Variants in ATXN7L2 observed in about 807,000 individuals in gnomAD.
ATXN7L2 encodes ataxin 7 like 2, also known as ataxin-7-like protein 2.
A neutral mutation model predicts 59.6 loss-of-function variants in ATXN7L2; 17 were observed. The ratio of observed to expected loss-of-function variants is 0.29; its 90% CI spans 0.20 to 0.43. The LOEUF is 0.43. Among genes scored for constraint, ATXN7L2 ranks in the 20% least tolerant of loss-of-function variants. The pLI, the probability that ATXN7L2 is intolerant of heterozygous loss-of-function variation, is 1.00. For missense variants in ATXN7L2, 858 were observed against 1,008.9 expected (o/e 0.85, Z 2.03); for synonymous variants, 378 against 392.5 (o/e 0.96, Z 0.44).
At chr1:109,492,559 T>C in intron 10 of ATXN7L2, 27 bp from the exon 11 acceptor site, 1 of 1,613,884 alleles carries the variant, frequency 6.2e-7, no homozygotes, top group Non-Finnish European at 8.5e-7. Flanking sequence ...ACCCTGACCC[T>C]TTCTCTCGCC....
chr1:109,489,636 T>A, intron 7 of ATXN7L2: 1 of 497,448 alleles, frequency 2.0e-6, no homozygotes, highest in Non-Finnish European at 3.6e-6. Flanking sequence ...GGGTACAGTT[T>A]TAACTGTGAA....
Position 109,491,701 on chromosome 1 carries a change from A to G in ATXN7L2, c.2234A>G (p.Lys745Arg), listed in dbSNP as rs537469853. The change falls in exon 10 of 11, where the codon AAG (lysine) becomes AGG (arginine). Residue 745 changes from lysine (K) to arginine (R), a missense_variant. Transcript: ENST00000683729. The surrounding 1 kb of genome is among the most constrained non-coding windows in gnomAD (Gnocchi z 4.1). ...GGCCCGGCCCTGGCCTTTGAGGAGAAGTGCTCTACACTGAAGGTACCAGCC... is the reference window on the plus strand; with the variant it reads ...GGCCCGGCCCTGGCCTTTGAGGAGAGGTGCTCTACACTGAAGGTACCAGCC... The part of the protein sequence containing the change: ...KPGPALAFEE[K>R]CSTLKSKAH The G allele has an allele frequency of 1.9e-6, 3 of 1,604,126 alleles. No individual in the cohort carries two copies. Among genetic ancestry groups the G allele is most frequent in the Non-Finnish European group, 2.6e-6 (3 of 1,174,532 alleles).
Position 109,491,910 on chromosome 1 carries a change from C to A in ATXN7L2, c.2250+193C>A. On this transcript the variant is annotated intron_variant, in intron 10 of 10. Transcript: ENST00000683729. This position sits in a 1 kb window ranked among gnomAD's most constrained non-coding sequence, Gnocchi z 4.1. ...GACTCCAGCTTTTTGCCTGGTGAAC[C>A]TTCCCCTATCCCTAACCCTTTCCCT... 1 of 1,209,006 alleles carries A rather than the reference C, an allele frequency of 8.3e-7. No individual in the cohort carries two copies. Among genetic ancestry groups the A allele is most frequent in the Non-Finnish European group, 1.1e-6 (1 of 901,626 alleles). The allele number at this position is 1,209,006 out of a possible 1,614,324, so 74.9% of individuals were successfully genotyped here. A position where few individuals can be genotyped will look rare whatever the true frequency, so the allele number is the denominator to read the frequency against.
rs775149207 is a variant in ATXN7L2, at chr1:109,486,548, A to T, written c.236A>T (p.Tyr79Phe). Residue 79 changes from tyrosine to phenylalanine, a missense_variant, in exon 3 of 11, where the codon TAC (tyrosine) becomes TTC (phenylalanine). By Grantham distance (22) the Tyr-to-Phe change is conservative (BLOSUM62 3). Around this residue, in one of 3 missense-constraint regions of ATXN7L2, gnomAD observed 29 missense variants for 64.0 expected, o/e 0.45. Coordinates refer to ENST00000683729, the MANE Select transcript of ATXN7L2 (RefSeq NM_001350175.2). This position sits in a 1 kb window ranked among gnomAD's most constrained non-coding sequence, Gnocchi z 4.3. ...CACTGCCCTGCCCATGATGACTTCT[A>T]CTTGGTTGTGTGTAACCACTGCAGC... ...FGHCPAHDDF[Y>F]LVVCNHCSQV... 4 of 1,614,030 alleles carry T rather than the reference A, an allele frequency of 2.5e-6. No homozygotes were observed. The South Asian group carries it at 4.4e-5, about 18-fold the overall frequency.
At chr1:109,484,843 T>C (rs1263306339) in intron 1 of ATXN7L2, among the ~76,000 whole-genome samples, 2 of 151,914 alleles carry the variant, frequency 1.3e-5, no homozygotes, top group Non-Finnish European at 2.9e-5. Context: ...TGAGAAGAGG[T>C]GGAGGAGGAG....
At chr1:109,484,589 TCCTC>T (rs895324969) in intron 1 of ATXN7L2, among the ~76,000 whole-genome samples, 1 of 151,992 alleles carries the variant, frequency 6.6e-6, no homozygotes, top group Admixed American at 6.6e-5. Context: ...CATCCATCTA[TCCTC>T]CCTCCCTCCA....
At position 109,486,748 on chromosome 1, in the gene ATXN7L2, G is replaced by C; in HGVS notation, c.298+138G>C. The C allele has an allele frequency of 1.2e-6, 1 of 803,160 alleles. No individual in the cohort carries two copies. Among genetic ancestry groups the C allele is most frequent in the South Asian group, 1.9e-5 (1 of 53,278 alleles). 49.8% of individuals were successfully genotyped at this position (803,160 alleles called of 1,614,324 possible). On this transcript the variant is annotated intron_variant, in intron 3 of 10. Coordinates refer to ENST00000683729, the MANE Select transcript of ATXN7L2 (RefSeq NM_001350175.2). The surrounding 1 kb of genome is among the most constrained non-coding windows in gnomAD (Gnocchi z 4.3). ...TAGGAAGGTTGTGGGGGTGGCTTCA[G>C]AGCATTGTGGGGAGTCGGGTTATTG...
chr1:109,491,962 C>T lies in ATXN7L2; in HGVS notation c.2250+245C>T. ...GGGCTGAGGAGATGCGGCACCCCTC[C>T]ACCCCTGCTTTTGCTATAATCAAAG... On this transcript the variant is annotated intron_variant, in intron 10 of 10. Coordinates refer to ENST00000683729, the MANE Select transcript of ATXN7L2 (RefSeq NM_001350175.2). This position sits in a 1 kb window ranked among gnomAD's most constrained non-coding sequence, Gnocchi z 4.1. The T allele has an allele frequency of 7.9e-7, 1 of 1,259,030 alleles. No individual in the cohort carries two copies. Among genetic ancestry groups the T allele is most frequent in the Middle Eastern group, 2.0e-4 (1 of 4,948 alleles). The allele number at this position is 1,259,030 out of a possible 1,614,324, so 78.0% of individuals were successfully genotyped here. A position where few individuals can be genotyped will look rare whatever the true frequency, so the allele number is the denominator to read the frequency against.
intron 7 of ATXN7L2, 168 bp downstream of exon 7, chr1:109,489,268 CCT>C (rs1403880455): frequency 1.7e-5 from 15 of 894,456 alleles, no homozygotes; most frequent in Middle Eastern, 6.9e-4. Flanking sequence ...AGGAGACTCC[CCT>C]GTTTCCAACC....
chr1:109,490,968 C>G lies in ATXN7L2; in HGVS notation c.1501C>G (p.Pro501Ala). 1 of 1,593,602 alleles carries G rather than the reference C, an allele frequency of 6.3e-7. No homozygotes were observed. ...AEPPAHLVNS[P>A]LSAPLSPSST... Reference sequence around the variant, plus strand: ...ACCTCCAGCTCACCTTGTCAACTCCCCGTTATCTGCTCCCCTGAGCCCATC... The same window carrying G: ...ACCTCCAGCTCACCTTGTCAACTCCGCGTTATCTGCTCCCCTGAGCCCATC... The change falls in exon 10 of 11, where the codon CCG becomes GCG. Residue 501 changes from proline to alanine, a missense_variant. Coordinates refer to ENST00000683729, the MANE Select transcript of ATXN7L2 (RefSeq NM_001350175.2).
In ATXN7L2 at chr1:109,483,924, CGCCAGGGCGGGCGCGCGTCCGCGGCGGT is replaced by C; in HGVS notation, c.-28_-1del. ...GGGGGAGGGGGCCGCGCGGCGGCGG[CGCCAGGGCGGGCGCGCGTCCGCGGCGGT>C]GATGGCGGTGCGTGAACGCGCGGCG... On this transcript the variant is annotated 5_prime_UTR_variant, in exon 1 of 11. Coordinates refer to ENST00000683729, the MANE Select transcript of ATXN7L2 (RefSeq NM_001350175.2). 3 of 1,179,268 alleles carry C rather than the reference CGCCAGGGCGGGCGCGCGTCCGCGGCGGT, an allele frequency of 2.5e-6. No individual in the cohort carries two copies. The highest frequency in any genetic ancestry group is 3.8e-5 in the East Asian group (1 of 26,204). 73.1% of individuals were successfully genotyped at this position (1,179,268 alleles called of 1,614,324 possible). A position where few individuals can be genotyped will look rare whatever the true frequency, so the allele number is the denominator to read the frequency against.
rs1344085276 is a variant in ATXN7L2 at position 109,484,070 on chromosome 1, C to T, written c.117C>T (p.Pro39=). 1 of 1,517,500 alleles carries T rather than the reference C, an allele frequency of 6.6e-7. No homozygotes were observed. The highest frequency in any genetic ancestry group is 2.0e-5 in the Admixed American group (1 of 49,052). The allele number at this position is 1,517,500 out of a possible 1,614,324, so 94.0% of individuals were successfully genotyped here. The change falls in exon 1 of 11, where the codon CCC becomes CCT. Residue 39 remains proline, a synonymous_variant. Coordinates refer to ENST00000683729, the MANE Select transcript of ATXN7L2 (RefSeq NM_001350175.2). ...CGTGGGTGGAGCGGGCCGACCTGCC[C>T]GCGGCTGACGGTGAGTAAAGCCACC... ...WSSWVERADL[P]AADGAELEES...
chr1:109,485,170 GAGAACCGGAAAT>G (rs1162805616), intron 1 of ATXN7L2: 13 of 745,710 alleles, frequency 1.7e-5, no homozygotes, highest in Non-Finnish European at 3.3e-6. Flanking sequence ...TGGGTGCATT[GAGAACCGGAAAT>G]GGAGTCAGAC....
intron 1 of ATXN7L2, 82 bp downstream of exon 1, chr1:109,484,162 C>A: frequency 8.1e-7 from 1 of 1,236,060 alleles, no homozygotes; most frequent in Non-Finnish European, 1.0e-6. Context: ...CTGAGGGGAG[C>A]CGCCGACTGG....
At chr1:109,489,291 C>T in intron 7 of ATXN7L2, 191 bp downstream of exon 7, 3 of 685,066 alleles carry the variant, frequency 4.4e-6, no homozygotes, top group Non-Finnish European at 4.8e-6. Context: ...AGGCATACCA[C>T]AGCACCCCAG....
In ATXN7L2 at chr1:109,486,401, C is replaced by A; in HGVS notation, c.194-105C>A. ...TTCAGCATGGAGCTTGTTATATCAG[C>A]GGGGAGGTGAAGTGCCTTCTGAGTG... is the stretch of plus-strand genomic sequence containing the variant. On this transcript the variant is annotated intron_variant, in intron 2 of 10. Coordinates refer to ENST00000683729, the MANE Select transcript of ATXN7L2 (RefSeq NM_001350175.2). The surrounding 1 kb of genome is among the most constrained non-coding windows in gnomAD (Gnocchi z 4.3). 9.8e-7 allele frequency: 1 copy of A among 1,023,432 alleles called. No individual in the cohort carries two copies. The highest frequency in any genetic ancestry group is 1.4e-6 in the Non-Finnish European group (1 of 692,210). 63.4% of individuals were successfully genotyped at this position (1,023,432 alleles called of 1,614,324 possible).
Position 109,488,579 on chromosome 1 carries a change from GT to G in ATXN7L2, c.879+116del. 8.1e-7 allele frequency: 1 copy of G among 1,234,114 alleles called. No homozygotes were observed. Among genetic ancestry groups the G allele is most frequent in the Non-Finnish European group, 1.1e-6 (1 of 876,560 alleles). 76.4% of individuals were successfully genotyped at this position (1,234,114 alleles called of 1,614,324 possible). Reference sequence around the variant, plus strand: ...TGAAGGTCCAGCTTAAGGGAGGGCAGTTAGGCCCACCCAAGGGAAGGGGAGA... The same window carrying G: ...TGAAGGTCCAGCTTAAGGGAGGGCAGTAGGCCCACCCAAGGGAAGGGGAGA... On this transcript the variant is annotated intron_variant, in intron 6 of 10. Transcript: ENST00000683729. The surrounding 1 kb of genome is among the most constrained non-coding windows in gnomAD (Gnocchi z 5.0).
chr1:109,485,025 A>G (rs530529868), intron 1 of ATXN7L2, among the ~76,000 whole-genome samples: 9 of 152,042 alleles, frequency 5.9e-5, no homozygotes, highest in Non-Finnish European at 1.0e-4. Flanking sequence ...ATTATATAAG[A>G]TTGTCAACAA....
Position 109,487,814 on chromosome 1 carries a change from TGTG to T in ATXN7L2, c.796+13_796+15del, listed in dbSNP as rs1656711411. The T allele has an allele frequency of 1.3e-6, 2 of 1,585,756 alleles. No individual in the cohort carries two copies. Among genetic ancestry groups the T allele is most frequent in the South Asian group, 1.1e-5 (1 of 87,398 alleles). On this transcript the variant is annotated intron_variant, in intron 5 of 10. Transcript: ENST00000683729. ...CACCGGAAGATGGCTCGTGAGTAGT[TGTG>T]GTCTTGGGGGTCCAGAATGTAGAGT...
Sources: allele counts gnomAD v4.1 joint callset (sites outside exome capture counted in the v4.1 genomes callset), GRCh38; gene constraint gnomAD v4.1.1; regional missense constraint gnomAD v4.1.1; non-coding constraint Gnocchi (gnomAD v3.1); transcripts MANE v1.5; gene names NCBI Gene and HGNC (gene_info 2026-07-23, HGNC 2026-07-21).